The following FUT8 variants were observed in gnomAD, a reference collection of about 807,000 sequenced individuals.
FUT8 encodes the protein alpha-(1,6)-fucosyltransferase.
In FUT8, 29 loss-of-function variants were observed where a neutral mutation model predicts 71.3. That is an observed-to-expected ratio of 0.41 (90% CI 0.30 to 0.55). The LOEUF is 0.55. FUT8 is among the 20% of genes least tolerant of loss of function. The pLI is 0.34. For synonymous variants in FUT8, 254 were observed against 239.3 expected (o/e 1.06, Z -0.57); for missense variants, 544 against 702.1 (o/e 0.77, Z 2.55).
intron 7 of FUT8, among the ~76,000 whole-genome samples, chr14:65,681,289 CAAAT>C (rs1893022204): frequency 6.6e-6 from 1 of 152,110 alleles, no homozygotes; most frequent in African/African-American, 2.4e-5. Context: ...CTGAATCTAT[CAAAT>C]AAAGAAAATA....
the FUT8 span, among the ~76,000 whole-genome samples, chr14:65,387,617 G>C: frequency 6.6e-6 from 1 of 152,176 alleles, no homozygotes; most frequent in Non-Finnish European, 1.5e-5. Context: ...CCGCCTCTCT[G>C]AATTCTCAAC....
At chr14:65,399,888 T>G in the FUT8 span, among the ~76,000 whole-genome samples, 1 of 152,236 alleles carries the variant, frequency 6.6e-6, no homozygotes, top group Non-Finnish European at 1.5e-5. Context: ...CTTCTTTCAT[T>G]TAGTCTGTTG....
At chr14:65,544,220 T>C (rs1375154629) in intron 2 of FUT8, among the ~76,000 whole-genome samples, 1 of 152,210 alleles carries the variant, frequency 6.6e-6, no homozygotes, top group East Asian at 1.9e-4. Context: ...AAGGCTGATC[T>C]ACTTGGTTTC....
chr14:65,616,319 A>G lies in FUT8; in HGVS notation c.428A>G (p.Asn143Ser), dbSNP rs772490571. Residue 143 changes from asparagine (N) to serine (S), a missense_variant, in exon 5 of 11, where the codon AAT (asparagine) becomes AGT (serine). Asn to Ser is a conservative substitution (Grantham distance 46). Coordinates refer to ENST00000673929, the MANE Select transcript of FUT8 (RefSeq NM_001371533.1). Reference protein sequence around the residue: ...ELKKLKNLEGNELQRHADEFL... With the variant: ...ELKKLKNLEGSELQRHADEFL... ...AAGAAATTAAAGAACTTAGAAGGAA[A>G]TGAACTCCAAAGACATGCAGATGAA... 5 of 1,612,728 alleles carry G rather than the reference A, an allele frequency of 3.1e-6. No individual in the cohort carries two copies. In the South Asian group the frequency reaches 4.4e-5, roughly 14 times the overall value.
At position 65,561,499 on chromosome 14, in the gene FUT8, A is replaced by G; in HGVS notation, c.-65A>G. 3.4e-6 allele frequency: 5 copies of G among 1,482,378 alleles called. No homozygotes were observed. The highest frequency in any genetic ancestry group is 4.7e-6 in the Non-Finnish European group (5 of 1,066,818). The allele number at this position is 1,482,378 out of a possible 1,614,324, so 91.8% of individuals were successfully genotyped here. A position where few individuals can be genotyped will look rare whatever the true frequency, so the allele number is the denominator to read the frequency against. On this transcript the variant is annotated 5_prime_UTR_variant, in exon 3 of 11. Transcript: ENST00000673929. ...ATTCACCTGTGCACTAACTAGAAACAGAGTTACAATGTTTTCAATTCTTTG... is the reference window on the plus strand; with the variant it reads ...ATTCACCTGTGCACTAACTAGAAACGGAGTTACAATGTTTTCAATTCTTTG...
chr14:65,509,654 G>T (rs1226209485), intron 2 of FUT8, among the ~76,000 whole-genome samples: 1 of 151,752 alleles, frequency 6.6e-6, no homozygotes, highest in African/African-American at 2.4e-5. Flanking sequence ...TAATTCCTAG[G>T]TATGTATTTA....
At chr14:65,683,463 G>A (rs1893134973) in intron 7 of FUT8, among the ~76,000 whole-genome samples, 2 of 152,160 alleles carry the variant, frequency 1.3e-5, no homozygotes, top group African/African-American at 4.8e-5. Flanking sequence ...TAATTGAATT[G>A]AGGAAATGAC....
At chr14:65,412,245 T>G (rs768562944), upstream of FUT8, 2 of 456,568 alleles carry the variant, frequency 4.4e-6, no homozygotes, top group South Asian at 1.5e-5. Context: ...GAAGCAGCAG[T>G]CAAGCGGCCA....
At chr14:65,359,204 G>T in the FUT8 span, among the ~76,000 whole-genome samples, 1 of 152,098 alleles carries the variant, frequency 6.6e-6, no homozygotes. Flanking sequence ...TTTGAAGAAG[G>T]ATGCAAACAA....
intron 6 of FUT8, among the ~76,000 whole-genome samples, chr14:65,637,762 GCAAA>G (rs1222237742): frequency 6.6e-6 from 1 of 152,076 alleles, no homozygotes; most frequent in Non-Finnish European, 1.5e-5. Flanking sequence ...AAAGGTCTCA[GCAAA>G]CAGAGGGGCC....
the FUT8 span, among the ~76,000 whole-genome samples, chr14:65,397,694 G>C: frequency 6.6e-6 from 1 of 152,246 alleles, no homozygotes; most frequent in African/African-American, 2.4e-5. This position sits in a 1 kb window ranked among gnomAD's most constrained non-coding sequence, Gnocchi z 4.2. Context: ...CTGAGCTGCT[G>C]GGACAGGCTC....
chr14:65,359,949 C>T, the FUT8 span, among the ~76,000 whole-genome samples: 1 of 152,198 alleles, frequency 6.6e-6, no homozygotes, highest in Admixed American at 6.5e-5. Context: ...TCTCCTGCCT[C>T]AGCCTCCCGA....
chr14:65,584,809 T>G (rs1339004319), intron 3 of FUT8, among the ~76,000 whole-genome samples: 2 of 152,230 alleles, frequency 1.3e-5, no homozygotes, highest in Admixed American at 1.3e-4. Flanking sequence ...ACTTAACTCC[T>G]TAGTTTGTGT....
In FUT8 at chr14:65,536,639, T is replaced by C. The variant is rs564180983; in HGVS notation, c.-227-24698T>C. Among the ~76,000 whole-genome samples, 3 of 152,350 alleles carry C rather than the reference T, an allele frequency of 2.0e-5. No homozygotes were observed. The South Asian group carries it at 6.2e-4, about 32-fold the overall frequency. On this transcript the variant is annotated intron_variant, in intron 2 of 10. Coordinates refer to ENST00000673929, the MANE Select transcript of FUT8 (RefSeq NM_001371533.1). ...GAGGTCTGTTGTTAGTCTGTTGGGCTTCCTTTTGTAGGTGGCCTGTTCTAT... is the reference window on the plus strand; with the variant it reads ...GAGGTCTGTTGTTAGTCTGTTGGGCCTCCTTTTGTAGGTGGCCTGTTCTAT...
intron 1 of FUT8, among the ~76,000 whole-genome samples, chr14:65,443,881 C>T (rs1423469429): frequency 6.6e-6 from 1 of 151,982 alleles, no homozygotes; most frequent in Non-Finnish European, 1.5e-5. Flanking sequence ...GACAATGTTA[C>T]ATTTATGTTA....
At chr14:65,411,083 AGT>A (rs2139334432), upstream of FUT8, 1 of 152,356 alleles carries the variant, frequency 6.6e-6, no homozygotes, top group Admixed American at 6.5e-5. Context: ...CAACAACCAA[AGT>A]GTGTCACTTT....
the FUT8 span, among the ~76,000 whole-genome samples, chr14:65,370,435 C>G: frequency 6.6e-6 from 1 of 151,604 alleles, no homozygotes; most frequent in African/African-American, 2.4e-5. Flanking sequence ...GTCTTGATCT[C>G]CTGACCTCGT....
chr14:65,446,678 CTTTTT>C lies in FUT8; in HGVS notation c.-325-8932_-325-8928del, dbSNP rs11378151. On this transcript the variant is annotated intron_variant, in intron 1 of 10. Transcript: ENST00000673929. ...CTAAACCTGTGAAGATGTTTTAGGG[CTTTTT>C]TTTTTTTTTTAACATGTTTAGATTT... 3.4e-3 allele frequency among the ~76,000 whole-genome samples: 460 copies of C among 134,270 alleles called. 4 individuals are homozygous for C. Among genetic ancestry groups the C allele is most frequent in the Middle Eastern group, 0.016 (4 of 254 alleles). 88.1% of individuals were successfully genotyped at this position (134,270 alleles called of 152,430 possible).
chr14:65,626,049 C>T (rs1200607968), intron 5 of FUT8, among the ~76,000 whole-genome samples: 1 of 152,090 alleles, frequency 6.6e-6, no homozygotes, highest in East Asian at 1.9e-4. Flanking sequence ...CCCCCTTCTT[C>T]AGGGTGTTAT....
Sources: allele counts gnomAD v4.1 joint callset (sites outside exome capture counted in the v4.1 genomes callset), GRCh38; gene constraint gnomAD v4.1.1; non-coding constraint Gnocchi (gnomAD v3.1); transcripts MANE v1.5; gene names NCBI Gene and HGNC (gene_info 2026-07-23, HGNC 2026-07-21).